LYZL2: variants seen among roughly 807,000 people sequenced by gnomAD.
LYZL2 encodes the protein lysozyme-like protein 2.
LYZL2 carries 13 observed loss-of-function variants against 17.1 expected under a neutral mutation model. The observed-to-expected ratio is 0.76, with a 90% CI of 0.49 to 1.21. The LOEUF (loss-of-function observed/expected upper bound fraction) is 1.21. Ranked by LOEUF, LYZL2 falls within the 50% of genes most tolerant of loss-of-function variation. The probability of loss-of-function intolerance (pLI) is 0.00; values close to 1 mark genes in which losing one functional copy is unlikely to be tolerated. For missense variants in LYZL2, 166 were observed against 189.2 expected, an observed-to-expected ratio of 0.88 and a Z score of 0.72; for synonymous variants, 63 against 74.4, an observed-to-expected ratio of 0.85 and a Z score of 0.79.
intron 3 of LYZL2, among the ~76,000 whole-genome samples, chr10:30,615,228 T>C (rs138011483): frequency 6.6e-6 from 1 of 152,316 alleles, no homozygotes; most frequent in African/African-American, 2.4e-5. Context: ...AATGCTGACA[T>C]TTGCAACAAC....
chr10:30,620,030 C>T (rs995761301), intron 3 of LYZL2, among the ~76,000 whole-genome samples: 6 of 152,078 alleles, frequency 3.9e-5, no homozygotes, highest in African/African-American at 1.4e-4. Flanking sequence ...TTATCGATTG[C>T]TTCTTCATAT....
At chr10:30,617,695 A>G (rs1305826734) in intron 3 of LYZL2, among the ~76,000 whole-genome samples, 94 of 144,340 alleles carry the variant, frequency 6.5e-4, no homozygotes, top group African/African-American at 2.2e-3. Flanking sequence ...AAAAAAAAAA[A>G]AAAGAAAAGA....
At chr10:30,629,382 A>G (rs1394212301) in intron 1 of LYZL2, among the ~76,000 whole-genome samples, 1 of 150,784 alleles carries the variant, frequency 6.6e-6, no homozygotes, top group African/African-American at 2.5e-5. Flanking sequence ...CAACAGAGTG[A>G]CATCCTGTTT....
intron 3 of LYZL2, among the ~76,000 whole-genome samples, chr10:30,614,103 G>A (rs546270328): frequency 2.0e-5 from 3 of 152,124 alleles, no homozygotes; most frequent in Admixed American, 2.0e-4. Flanking sequence ...GCTTAGAAGC[G>A]GCCTCAAAAT....
downstream of LYZL2, among the ~76,000 whole-genome samples, chr10:30,611,391 C>T (rs113194941): frequency 8.9e-4 from 133 of 150,262 alleles, 2 homozygotes; most frequent in African/African-American, 3.0e-3. Flanking sequence ...CCCAGCTACT[C>T]GGGAGGCTGA....
At chr10:30,611,142 A>C (rs1286868508), downstream of LYZL2, among the ~76,000 whole-genome samples, 1 of 152,122 alleles carries the variant, frequency 6.6e-6, no homozygotes. Context: ...CCCTACAATG[A>C]AGAAGGGACG....
At chr10:30,611,239 G>T (rs1040294798), downstream of LYZL2, among the ~76,000 whole-genome samples, 1 of 152,090 alleles carries the variant, frequency 6.6e-6, no homozygotes, top group Non-Finnish European at 1.5e-5. Flanking sequence ...AACTGAGTCA[G>T]GGTGGGGTGC....
intron 3 of LYZL2, among the ~76,000 whole-genome samples, chr10:30,617,175 T>C (rs1375349982): frequency 1.3e-5 from 2 of 152,066 alleles, no homozygotes; most frequent in Non-Finnish European, 2.9e-5. Flanking sequence ...ATCCCAGGCA[T>C]GTACAGAAAG....
chr10:30,627,837 A>G (rs1418114984), intron 1 of LYZL2, among the ~76,000 whole-genome samples: 10 of 152,230 alleles, frequency 6.6e-5, no homozygotes, highest in Admixed American at 6.5e-4. Context: ...GAGATGAAAT[A>G]CACGTGGACC....
intron 2 of LYZL2, 47 bp downstream of exon 2, chr10:30,626,730 G>A (rs781670823): frequency 1.9e-6 from 3 of 1,611,060 alleles, no homozygotes; most frequent in Non-Finnish European, 1.7e-6. Context: ...CAACATCTCA[G>A]GGGAAAGGTC....
intron 3 of LYZL2, among the ~76,000 whole-genome samples, chr10:30,616,557 A>T (rs1403661274): frequency 6.6e-6 from 1 of 152,258 alleles, no homozygotes. Flanking sequence ...TCTTTTGCCT[A>T]TCTTCTTGAG....
chr10:30,625,663 A>C (rs1160215968), intron 3 of LYZL2, among the ~76,000 whole-genome samples: 1 of 152,218 alleles, frequency 6.6e-6, no homozygotes, highest in Non-Finnish European at 1.5e-5. Flanking sequence ...CAGCCTGGGC[A>C]ACAGAGTGAG....
downstream of LYZL2, among the ~76,000 whole-genome samples, chr10:30,611,628 GGAAA>G (rs1260070797): frequency 8.2e-6 from 1 of 121,450 alleles, no homozygotes; most frequent in Non-Finnish European, 1.7e-5. Flanking sequence ...AAAGAAAGAA[GGAAA>G]GAGAGGGAGG....
chr10:30,622,668 A>G (rs1191385978), intron 3 of LYZL2, among the ~76,000 whole-genome samples: 1 of 152,252 alleles, frequency 6.6e-6, no homozygotes, highest in East Asian at 1.9e-4. Flanking sequence ...TTCTGTAAAT[A>G]AAGTCTTATT....
chr10:30,612,077 C>A, intron 4 of LYZL2, 53 bp from the exon 5 acceptor site: 6 of 1,598,052 alleles, frequency 3.8e-6, no homozygotes, highest in Non-Finnish European at 5.1e-6. Context: ...CAATCCAAAC[C>A]GTCTCAGTTT....
chr10:30,625,163 G>C (rs1302062781), intron 3 of LYZL2, among the ~76,000 whole-genome samples: 2 of 152,220 alleles, frequency 1.3e-5, no homozygotes, highest in Non-Finnish European at 2.9e-5. Context: ...CTGTGAATCC[G>C]CTGGCACTCT....
At chr10:30,619,158 A>G (rs921043918) in intron 3 of LYZL2, among the ~76,000 whole-genome samples, 1 of 152,368 alleles carries the variant, frequency 6.6e-6, no homozygotes, top group African/African-American at 2.4e-5. Flanking sequence ...AATGGCCATT[A>G]TTAAAAAGTC....
chr10:30,615,193 A>G (rs979802981), intron 3 of LYZL2, among the ~76,000 whole-genome samples: 10 of 152,256 alleles, frequency 6.6e-5, no homozygotes, highest in African/African-American at 2.4e-4. Flanking sequence ...AGAGTGGAAT[A>G]TTATTCAGTC....
intron 1 of LYZL2, 115 bp from the exon 2 acceptor site, chr10:30,627,055 T>A (rs7097135): frequency 0.073 from 93,703 of 1,282,746 alleles, 64 homozygotes; most frequent in African/African-American, 0.11. Flanking sequence ...GGTCATTCAG[T>A]GCCACCATCA....
Sources: allele counts gnomAD v4.1 joint callset (sites outside exome capture counted in the v4.1 genomes callset), GRCh38; gene constraint gnomAD v4.1.1; transcripts MANE v1.5; gene names NCBI Gene and HGNC (gene_info 2026-07-23, HGNC 2026-07-21).